CUL3: variants seen among roughly 807,000 people sequenced by gnomAD.
The protein encoded by CUL3 is cullin-3.
A neutral mutation model predicts 89.1 loss-of-function variants in CUL3; 19 were observed. That is an observed-to-expected ratio of 0.21 (90% CI 0.15 to 0.31). The LOEUF (loss-of-function observed/expected upper bound fraction) is 0.31, where lower values mean the gene tolerates loss of function less well. Among genes scored for constraint, CUL3 ranks in the 10% least tolerant of loss-of-function variants. CUL3 has a pLI of 1.00. For missense variants in CUL3, 469 were observed against 942.3 expected (o/e 0.50, Z 6.58); for synonymous variants, 351 against 308.4 (o/e 1.14, Z -1.45).
chr2:224,498,901 A>T (rs1245507923), intron 11 of CUL3, among the ~76,000 whole-genome samples: 4 of 152,256 alleles, frequency 2.6e-5, no homozygotes, highest in African/African-American at 9.6e-5. Flanking sequence ...CTGGTTCAAA[A>T]TGAAAGCAAC....
chr2:224,552,514 A>G (rs1180193497), intron 2 of CUL3, among the ~76,000 whole-genome samples: 1 of 152,192 alleles, frequency 6.6e-6, no homozygotes, highest in Non-Finnish European at 1.5e-5. Context: ...TTATTTTGAA[A>G]GCCAACAATC....
intron 1 of CUL3, 39 bp from the exon 2 acceptor site, chr2:224,557,895 A>AAAC (rs1553535890): frequency 2.6e-6 from 3 of 1,152,352 alleles, no homozygotes; most frequent in African/African-American, 1.6e-5. Flanking sequence ...AAAAAAAAAA[A>AAAC]AAAAAAAAAA....
At chr2:224,481,174 T>C (rs1691526284) in intron 14 of CUL3, among the ~76,000 whole-genome samples, 1 of 152,108 alleles carries the variant, frequency 6.6e-6, no homozygotes, top group African/African-American at 2.4e-5. Context: ...TTATTTATCT[T>C]AGGACACTGT....
intron 1 of CUL3, among the ~76,000 whole-genome samples, chr2:224,565,620 C>T (rs1365673504): frequency 6.6e-6 from 1 of 152,180 alleles, no homozygotes; most frequent in Non-Finnish European, 1.5e-5. Context: ...GTATCAGAAA[C>T]CTCCTGCCAG....
At chr2:224,557,877 A>AATAT in intron 1 of CUL3, 21 bp from the exon 2 acceptor site, 1 of 791,530 alleles carries the variant, frequency 1.3e-6, no homozygotes, top group Non-Finnish European at 1.9e-6. Context: ...CAAGAGAGAG[A>AATAT]AGAGACAAAA....
At chr2:224,486,349 C>T (rs1322748520) in intron 13 of CUL3, among the ~76,000 whole-genome samples, 2 of 152,002 alleles carry the variant, frequency 1.3e-5, no homozygotes, top group Non-Finnish European at 2.9e-5. Context: ...CCCTAAGAAG[C>T]TAAGAAGCTA....
chr2:224,501,756 G>T (rs914981560), intron 10 of CUL3, among the ~76,000 whole-genome samples: 2 of 152,168 alleles, frequency 1.3e-5, no homozygotes, highest in African/African-American at 4.8e-5. Flanking sequence ...TCGCAAGTTG[G>T]TTAGGGGAAG....
chr2:224,477,220 G>A (rs534455165), intron 15 of CUL3, among the ~76,000 whole-genome samples: 2 of 152,078 alleles, frequency 1.3e-5, no homozygotes, highest in African/African-American at 4.8e-5. Context: ...CAGACTCTTG[G>A]GCCCTATCCT....
In CUL3 at chr2:224,581,702, A is replaced by C. The variant is rs563564935; in HGVS notation, c.66+3242T>G. On this transcript the variant is annotated intron_variant, in intron 1 of 15. Transcript: ENST00000264414. ...ATTTTTAGTAGAGACAGGGGTTTGCATGTTGGCCAGGCTGGTCTCCAACTC... is the reference window on the plus strand; with the variant it reads ...ATTTTTAGTAGAGACAGGGGTTTGCCTGTTGGCCAGGCTGGTCTCCAACTC... Among the ~76,000 whole-genome samples the C allele has an allele frequency of 4.0e-5, 6 of 151,820 alleles. No homozygotes were observed. In the South Asian group the frequency reaches 1.3e-3, roughly 32 times the overall value.
intron 1 of CUL3, among the ~76,000 whole-genome samples, chr2:224,582,351 T>A (rs1182189864): frequency 1.3e-5 from 2 of 152,160 alleles, no homozygotes; most frequent in African/African-American, 4.8e-5. Context: ...AGACTGCCAA[T>A]CTGGAAGACA....
At chr2:224,504,462 A>G (rs544978932) in intron 8 of CUL3, 10 of 152,292 alleles carry the variant, frequency 6.6e-5, no homozygotes, top group African/African-American at 1.9e-4. Context: ...GACATGCACC[A>G]CCACACCCGG....
At chr2:224,501,443 A>G (rs956396459) in intron 10 of CUL3, among the ~76,000 whole-genome samples, 5 of 152,140 alleles carry the variant, frequency 3.3e-5, no homozygotes, top group Non-Finnish European at 7.4e-5. Flanking sequence ...AAACAACAAT[A>G]AGGCACAACA....
chr2:224,500,904 G>A (rs372424443), intron 10 of CUL3, among the ~76,000 whole-genome samples: 51 of 152,184 alleles, frequency 3.4e-4, no homozygotes, highest in Middle Eastern at 3.4e-3. Flanking sequence ...GACTATAGGC[G>A]TGAGACATCG....
chr2:224,514,653 C>T lies in CUL3; in HGVS notation c.498G>A (p.Leu166=), dbSNP rs1355464498. The stretch of plus-strand genomic sequence containing the variant: ...CTTTCCGCTCTCTTGCAATCATATC[C>T]AATAGAGTTTGCCGTAGATGATCCC... ...CIRDHLRQTL[L]DMIARERKGE... The change falls in exon 4 of 16, where the codon TTG becomes TTA. Residue 166 remains leucine, a synonymous_variant. Coordinates refer to ENST00000264414, the MANE Select transcript of CUL3 (RefSeq NM_003590.5). 3.1e-6 allele frequency: 5 copies of T among 1,613,630 alleles called. No homozygotes were observed. In the South Asian group the frequency reaches 5.5e-5, roughly 18 times the overall value.
chr2:224,513,702 CA>C, intron 4 of CUL3, 64 bp from the exon 5 acceptor site: 1 of 1,150,588 alleles, frequency 8.7e-7, no homozygotes, highest in Non-Finnish European at 1.2e-6. Flanking sequence ...ATAAAAATTA[CA>C]AAAAGGAGTA....
intron 6 of CUL3, 109 bp from the exon 7 acceptor site, chr2:224,507,112 T>C (rs1692631285): frequency 2.2e-6 from 2 of 908,544 alleles, no homozygotes; most frequent in South Asian, 2.2e-5. Flanking sequence ...TTACCCCCAT[T>C]TGCTGACCAC....
In CUL3 at chr2:224,503,154, T is replaced by C. The variant is rs375387081; in HGVS notation, c.1378-82A>G. 4.4e-5 allele frequency: 40 copies of C among 899,086 alleles called. 1 individual carries two copies. Among genetic ancestry groups the C allele is most frequent in the East Asian group, 3.9e-4 (16 of 41,448 alleles). 55.7% of individuals were successfully genotyped at this position (899,086 alleles called of 1,614,324 possible). A position where few individuals can be genotyped will look rare whatever the true frequency, so the allele number is the denominator to read the frequency against. ...GTACAGAAAGAAATAAATTATTTCA[T>C]GTTATTGCTATCCCTGATAATCTTC... is the stretch of plus-strand genomic sequence containing the variant. On this transcript the variant is annotated intron_variant, in intron 9 of 15. Coordinates refer to ENST00000264414, the MANE Select transcript of CUL3 (RefSeq NM_003590.5).
intron 2 of CUL3, among the ~76,000 whole-genome samples, chr2:224,547,015 C>G (rs1389789186): frequency 6.6e-6 from 1 of 152,088 alleles, no homozygotes; most frequent in Non-Finnish European, 1.5e-5. Flanking sequence ...CCTGTCACCA[C>G]CATCCCAAAA....
At chr2:224,582,590 A>C (rs1695466405) in intron 1 of CUL3, among the ~76,000 whole-genome samples, 1 of 152,244 alleles carries the variant, frequency 6.6e-6, no homozygotes, top group African/African-American at 2.4e-5. Context: ...ACTTCATGTA[A>C]GGTTTTCAGA....
Sources: allele counts gnomAD v4.1 joint callset (sites outside exome capture counted in the v4.1 genomes callset), GRCh38; gene constraint gnomAD v4.1.1; transcripts MANE v1.5; gene names NCBI Gene and HGNC (gene_info 2026-07-23, HGNC 2026-07-21).